GKAP1: variants seen among roughly 807,000 people sequenced by gnomAD.
GKAP1 encodes G kinase anchoring protein 1.
In GKAP1, 31 loss-of-function variants were observed where a neutral mutation model predicts 56.7. The observed-to-expected ratio is 0.55, with a 90% confidence interval of 0.41 to 0.74. The LOEUF (loss-of-function observed/expected upper bound fraction) is 0.74. Among genes scored for constraint, GKAP1 ranks in the 30% least tolerant of loss-of-function variants. The pLI is 0.00. For synonymous variants in GKAP1, 151 were observed against 138.6 expected (o/e 1.09, Z -0.63); for missense variants, 364 against 402.3 (o/e 0.90, Z 0.82).
chr9:83,814,035 G>T (rs1944548060), intron 2 of GKAP1, among the ~76,000 whole-genome samples: 1 of 152,004 alleles, frequency 6.6e-6, no homozygotes, highest in Admixed American at 6.5e-5. Flanking sequence ...GGGGGTCGAG[G>T]CTGTAGTGAG....
Position 83,806,415 on chromosome 9 carries a change from T to C in GKAP1, c.103A>G (p.Lys35Glu). 1 of 1,612,208 alleles carries C rather than the reference T, an allele frequency of 6.2e-7. No individual in the cohort carries two copies. The highest frequency in any genetic ancestry group is 8.5e-7 in the Non-Finnish European group (1 of 1,178,918). The change falls in exon 3 of 13, where the codon AAA (lysine) becomes GAA (glutamate). Residue 35 changes from lysine (K) to glutamate (E), a missense_variant. Lys to Glu is a moderately conservative substitution (Grantham distance 56). Transcript: ENST00000376371. ...SGSDSEPGKG[K>E]GRNTGKSQTL... ...TGAGACTTTCCAGTATTTCGACCTT[T>C]ACCTTTTCCAGGTTCAGAATCAGAG...
chr9:83,780,806 A>T (rs1343400989), intron 6 of GKAP1, among the ~76,000 whole-genome samples: 2 of 152,192 alleles, frequency 1.3e-5, no homozygotes, highest in Non-Finnish European at 2.9e-5. Context: ...AAATGTTCAG[A>T]TTACTGCTTT....
intron 7 of GKAP1, among the ~76,000 whole-genome samples, chr9:83,778,184 A>G (rs576842660): frequency 5.3e-5 from 8 of 152,286 alleles, no homozygotes; most frequent in Non-Finnish European, 8.8e-5. Context: ...TGATCCAGCA[A>G]TCCCATTACT....
intron 6 of GKAP1, among the ~76,000 whole-genome samples, chr9:83,782,380 T>C (rs968911721): frequency 1.3e-5 from 2 of 150,478 alleles, no homozygotes; most frequent in Admixed American, 6.6e-5. Flanking sequence ...TTGAGATAGA[T>C]GGAGTTTCGC....
chr9:83,804,304 G>T (rs1159393297), intron 3 of GKAP1, among the ~76,000 whole-genome samples: 1 of 144,772 alleles, frequency 6.9e-6, no homozygotes, highest in Admixed American at 6.8e-5. Context: ...AGGTGGGGGG[G>T]TCAGCACCCC....
intron 8 of GKAP1, among the ~76,000 whole-genome samples, chr9:83,756,628 T>C (rs1032065825): frequency 6.6e-6 from 1 of 152,146 alleles, no homozygotes; most frequent in Non-Finnish European, 1.5e-5. Flanking sequence ...AAATTATCAG[T>C]ACTGTAGTAG....
At chr9:83,753,592 CA>C (rs1943429198) in intron 8 of GKAP1, among the ~76,000 whole-genome samples, 1 of 152,082 alleles carries the variant, frequency 6.6e-6, no homozygotes, top group Non-Finnish European at 1.5e-5. Flanking sequence ...TCAGGGCTTT[CA>C]AAGGATATTT....
At chr9:83,761,057 GAAAT>G (rs1409594895) in intron 8 of GKAP1, among the ~76,000 whole-genome samples, 1 of 146,934 alleles carries the variant, frequency 6.8e-6, no homozygotes, top group Non-Finnish European at 1.5e-5. Context: ...CAATACAAAA[GAAAT>G]AAATGAAATT....
intron 3 of GKAP1, among the ~76,000 whole-genome samples, chr9:83,804,367 CG>C (rs371212078): frequency 0.24 from 27,425 of 112,664 alleles, 3,852 homozygotes; most frequent in African/African-American, 0.36. Flanking sequence ...GCCCCCCGCC[CG>C]GCCAGCCGCC....
At chr9:83,759,611 A>AT (rs1367029005) in intron 8 of GKAP1, among the ~76,000 whole-genome samples, 1 of 151,954 alleles carries the variant, frequency 6.6e-6, no homozygotes, top group Non-Finnish European at 1.5e-5. Context: ...AGTTTTGAAC[A>AT]TTTTTTTTGG....
At chr9:83,806,624 T>A in intron 2 of GKAP1, 64 bp from the exon 3 acceptor site, 1 of 892,868 alleles carries the variant, frequency 1.1e-6, no homozygotes, top group Non-Finnish European at 1.7e-6. Context: ...TTGTAGATTC[T>A]AAAACAACCA....
At chr9:83,809,481 C>T (rs2131326854) in intron 2 of GKAP1, among the ~76,000 whole-genome samples, 1 of 152,336 alleles carries the variant, frequency 6.6e-6, no homozygotes, top group East Asian at 1.9e-4. Context: ...CACTGCTACC[C>T]ATTATCATAG....
intron 3 of GKAP1, among the ~76,000 whole-genome samples, chr9:83,804,168 A>G (rs1300500197): frequency 4.1e-5 from 5 of 122,884 alleles, no homozygotes; most frequent in East Asian, 2.7e-4. Context: ...CTGGGAGGTG[A>G]GGGGCGCCTC....
At chr9:83,748,395 T>A in intron 9 of GKAP1, 23 bp from the exon 10 acceptor site, 1 of 1,375,834 alleles carries the variant, frequency 7.3e-7, no homozygotes, top group Non-Finnish European at 1.0e-6. Context: ...GAAAAAAGAT[T>A]TAGTTTTTTT....
chr9:83,779,484 CATATAT>C (rs1564201565), intron 7 of GKAP1, among the ~76,000 whole-genome samples: 6 of 85,698 alleles, frequency 7.0e-5, no homozygotes, highest in Non-Finnish European at 1.0e-4. Context: ...CATATACATA[CATATAT>C]ACACATATAC....
rs1223452832 is a variant in GKAP1 at position 83,806,375 on chromosome 9, T to C, written c.143A>G (p.Lys48Arg). ...NTGKSQTLGS[K>R]STTNEKKREK... ...TCTTTTTTTCTCATTTGTAGTTGAC[T>C]TGCTTCCTAAAGTTTGAGACTTTCC... is the stretch of plus-strand genomic sequence containing the variant. The change falls in exon 3 of 13, where the codon AAG (lysine) becomes AGG (arginine). Residue 48 changes from lysine (K) to arginine (R), a missense_variant. Transcript: ENST00000376371. 6 of 1,584,182 alleles carry C rather than the reference T, an allele frequency of 3.8e-6. No individual in the cohort carries two copies. In the African/African-American group the frequency reaches 6.8e-5, roughly 18 times the overall value.
intron 2 of GKAP1, among the ~76,000 whole-genome samples, chr9:83,808,358 G>A (rs952044835): frequency 6.6e-6 from 1 of 152,120 alleles, no homozygotes; most frequent in African/African-American, 2.4e-5. Context: ...TACTTTGGGA[G>A]GCCGAGGTGG....
At chr9:83,748,642 TA>T (rs1943334748) in intron 9 of GKAP1, 1 of 212,694 alleles carries the variant, frequency 4.7e-6, no homozygotes, top group Non-Finnish European at 9.3e-6. Flanking sequence ...TAAATTTTCC[TA>T]AATAATCTTC....
chr9:83,741,443 T>C (rs1041539132), intron 12 of GKAP1, among the ~76,000 whole-genome samples: 2 of 151,852 alleles, frequency 1.3e-5, no homozygotes, highest in African/African-American at 4.8e-5. Context: ...TGCTCAATGC[T>C]AGCTTGTAAA....
Sources: gnomAD v4.1 joint callset for allele counts (sites outside exome capture counted in the v4.1 genomes callset) on GRCh38, gnomAD v4.1.1 for gene constraint, MANE v1.5 for transcripts, NCBI Gene and HGNC (gene_info 2026-07-23, HGNC 2026-07-21) for gene names.